The following BRWD3 variants were observed in gnomAD, a reference collection of about 807,000 sequenced individuals.
BRWD3 encodes the protein bromodomain and WD repeat domain containing 3.
BRWD3 carries 10 observed loss-of-function variants against 149.7 expected under a neutral mutation model. The observed-to-expected ratio is 0.07, with a 90% CI of 0.04 to 0.11. BRWD3 has a LOEUF of 0.11. BRWD3 is among the 10% of genes least tolerant of loss of function. The pLI is 1.00. For synonymous variants in BRWD3, 504 were observed against 456.7 expected (o/e 1.10, Z -1.32); for missense variants, 940 against 1,373.2 (o/e 0.68, Z 4.99).
At chrX:80,791,752 T>C (rs1185885913) in intron 6 of BRWD3, 102 bp downstream of exon 6, 2 of 599,992 alleles carry the variant, frequency 3.3e-6, no homozygotes, top group Non-Finnish European at 5.5e-6. Context: ...AACAGTTTGT[T>C]TATGCTTCCA....
intron 17 of BRWD3, among the ~76,000 whole-genome samples, chrX:80,720,304 G>A (rs1311926247): frequency 1.8e-5 from 2 of 111,210 alleles, no homozygotes; most frequent in South Asian, 3.8e-4. Flanking sequence ...ATATTGCCCC[G>A]GAAGACCTTC....
intron 4 of BRWD3, 70 bp from the exon 5 acceptor site, chrX:80,793,842 A>G: frequency 2.0e-6 from 2 of 1,006,103 alleles, no homozygotes; most frequent in Non-Finnish European, 2.8e-6. Context: ...CTATTCCACT[A>G]CTAAATTGTT....
At chrX:80,682,163 A>G (rs2072457934) in intron 38 of BRWD3, 69 bp from the exon 39 acceptor site, 2 of 917,526 alleles carry the variant, frequency 2.2e-6, no homozygotes, top group Non-Finnish European at 3.2e-6. Flanking sequence ...GATAGACAGT[A>G]TGATACAAAG....
intron 6 of BRWD3, among the ~76,000 whole-genome samples, chrX:80,748,171 T>C (rs180949706): frequency 1.4e-4 from 16 of 110,669 alleles, no homozygotes; most frequent in Middle Eastern, 9.3e-3. Context: ...ACCTCTTATG[T>C]TGAGATTTTA....
At chrX:80,750,595 T>G (rs1233962980) in intron 6 of BRWD3, among the ~76,000 whole-genome samples, 1 of 110,933 alleles carries the variant, frequency 9.0e-6, no homozygotes, top group African/African-American at 3.3e-5. Context: ...GGTAAGGACA[T>G]AGAGAAAAGG....
chrX:80,799,827 G>T (rs1031795000), intron 4 of BRWD3, among the ~76,000 whole-genome samples: 2 of 110,954 alleles, frequency 1.8e-5, no homozygotes, highest in African/African-American at 6.6e-5. Flanking sequence ...CTCTGAGCCT[G>T]AACTTCCTCA....
At chrX:80,683,121 C>G (rs2072478687) in intron 37 of BRWD3, among the ~76,000 whole-genome samples, 1 of 111,726 alleles carries the variant, frequency 9.0e-6, no homozygotes, top group Admixed American at 9.5e-5. Context: ...AAAACAACCA[C>G]ACAACAGAAT....
Position 80,677,267 on chromosome X carries a change from T to A in BRWD3, c.4751A>T (p.Asn1584Ile). The change falls in exon 41 of 41, where the codon AAC (asparagine) becomes ATC (isoleucine). Residue 1584 changes from asparagine (N) to isoleucine (I), a missense_variant. Around this residue, in one of 6 missense-constraint regions of BRWD3, gnomAD observed 349 missense variants for 419.6 expected, o/e 0.83. Transcript: ENST00000373275. ...KLLSASEEDE[N>I]MGGEDKEKKE... ...TTTCTCTTTATCTTCTCCTCCCATGTTTTCATCTTCTTCTGATGCACTAAG... is the reference window on the plus strand; with the variant it reads ...TTTCTCTTTATCTTCTCCTCCCATGATTTCATCTTCTTCTGATGCACTAAG... The A allele has an allele frequency of 8.3e-7, 1 of 1,210,812 alleles. No individual in the cohort carries two copies. Among genetic ancestry groups the A allele is most frequent in the Non-Finnish European group, 1.1e-6 (1 of 895,216 alleles).
At chrX:80,808,763 G>GC (rs1689575721) in intron 3 of BRWD3, among the ~76,000 whole-genome samples, 165 bp from the exon 4 acceptor site, 1 of 70,568 alleles carries the variant, frequency 1.4e-5, no homozygotes, top group African/African-American at 4.5e-5. Flanking sequence ...AAGTATATGG[G>GC]GGGGGGGGGG....
chrX:80,706,529 G>C, intron 22 of BRWD3, among the ~76,000 whole-genome samples: 1 of 111,119 alleles, frequency 9.0e-6, no homozygotes, highest in Non-Finnish European at 1.9e-5. Context: ...GCCTACAGAG[G>C]GTCAGGATCA....
chrX:80,724,086 G>A (rs2073187471), intron 15 of BRWD3, among the ~76,000 whole-genome samples: 1 of 111,872 alleles, frequency 8.9e-6, no homozygotes, highest in Non-Finnish European at 1.9e-5. Context: ...ATCAATCATT[G>A]CTAGCAAGGA....
chrX:80,681,990 T>C lies in BRWD3; in HGVS notation c.4495+7A>G. On this transcript the variant is annotated splice_region_variant and intron_variant, in intron 39 of 40. Transcript: ENST00000373275. The stretch of plus-strand genomic sequence containing the variant: ...TGCAGAACACCAAAAACAAAAGACA[T>C]ATTTACCAGGAGATGAGAAAGGAGA... 2 of 1,188,017 alleles carry C rather than the reference T, an allele frequency of 1.7e-6. No individual in the cohort carries two copies. The highest frequency in any genetic ancestry group is 2.3e-6 in the Non-Finnish European group (2 of 874,291).
At chrX:80,713,394 C>T (rs1358864929) in intron 20 of BRWD3, among the ~76,000 whole-genome samples, 1 of 112,046 alleles carries the variant, frequency 8.9e-6, no homozygotes, top group Non-Finnish European at 1.9e-5. Flanking sequence ...ACCTTAACCC[C>T]AACCCTGTGC....
intron 20 of BRWD3, among the ~76,000 whole-genome samples, chrX:80,713,453 G>A (rs1272266581): frequency 4.5e-5 from 5 of 110,971 alleles, no homozygotes; most frequent in Middle Eastern, 4.6e-3. Flanking sequence ...GATTAAGGGC[G>A]GTGCAAGATG....
intron 6 of BRWD3, among the ~76,000 whole-genome samples, chrX:80,759,728 C>T (rs2073782904): frequency 9.0e-6 from 1 of 111,533 alleles, no homozygotes; most frequent in African/African-American, 3.3e-5. Context: ...TTTCTACATA[C>T]AAAAGCAGTG....
chrX:80,669,645 G>T lies in BRWD3; in HGVS notation c.*6964C>A, dbSNP rs759232888. 9.0e-6 allele frequency among the ~76,000 whole-genome samples: 1 copy of T among 110,939 alleles called. No homozygotes were observed. The highest frequency in any genetic ancestry group is 3.3e-5 in the African/African-American group (1 of 30,514). On this transcript the variant is annotated 3_prime_UTR_variant, in exon 41 of 41. Coordinates refer to ENST00000373275, the MANE Select transcript of BRWD3 (RefSeq NM_153252.5). ...TAAAAGCCAAGGGAGGAGGGAACAC[G>T]TTAGCAGTTTCCTTGACTTAAATTA...
At chrX:80,700,928 T>G (rs77145988) in intron 24 of BRWD3, among the ~76,000 whole-genome samples, 17,829 of 109,759 alleles carry the variant, frequency 0.16, 1,136 homozygotes, top group South Asian at 0.42. Flanking sequence ...TCCTTGTAGA[T>G]TCTGTTATTT....
intron 6 of BRWD3, among the ~76,000 whole-genome samples, chrX:80,760,037 ATATAT>A (rs1450274843): frequency 8.9e-6 from 1 of 111,911 alleles, no homozygotes; most frequent in African/African-American, 3.2e-5. Flanking sequence ...CACTCTTACT[ATATAT>A]TAAACACTAA....
At chrX:80,710,880 CT>C (rs1259002611) in intron 20 of BRWD3, among the ~76,000 whole-genome samples, 11 of 110,849 alleles carry the variant, frequency 9.9e-5, no homozygotes, top group African/African-American at 3.3e-4. Context: ...GTACATTTTT[CT>C]TTGAGATGTC....
Sources: gnomAD v4.1 joint callset for allele counts (sites outside exome capture counted in the v4.1 genomes callset) on GRCh38, gnomAD v4.1.1 for gene constraint, gnomAD v4.1.1 regional missense constraint, MANE v1.5 for transcripts, NCBI Gene and HGNC (gene_info 2026-07-23, HGNC 2026-07-21) for gene names.